Variants in HELZ observed in about 807,000 individuals in gnomAD.
The protein encoded by HELZ is ATP-dependent RNA helicase with zinc finger domain.
Under a neutral mutation model 218.2 loss-of-function variants are expected in HELZ, and 23 were observed. The ratio of observed to expected loss-of-function variants is 0.11; its 90% CI spans 0.08 to 0.15. The LOEUF (loss-of-function observed/expected upper bound fraction) is 0.15, where lower values mean the gene tolerates loss of function less well. Among genes scored for constraint, HELZ ranks in the 10% least tolerant of loss-of-function variants. The pLI, the probability that HELZ is intolerant of heterozygous loss-of-function variation, is 1.00. For synonymous variants in HELZ, 814 were observed against 829.4 expected (o/e 0.98, Z 0.32); for missense variants, 1,813 against 2,353.7 (o/e 0.77, Z 4.75).
At chr17:67,234,191 C>A (rs1410400686) in intron 3 of HELZ, among the ~76,000 whole-genome samples, 2 of 150,142 alleles carry the variant, frequency 1.3e-5, no homozygotes, top group East Asian at 3.9e-4. Context: ...GGCGTGGTAG[C>A]TTGTGCCTCT....
At chr17:67,211,766 CAGG>C (rs1179493778) in intron 5 of HELZ, among the ~76,000 whole-genome samples, 1 of 151,690 alleles carries the variant, frequency 6.6e-6, no homozygotes, top group African/African-American at 2.4e-5. Context: ...GGGGCTGAGA[CAGG>C]AGAATTGCTT....
intron 3 of HELZ, among the ~76,000 whole-genome samples, chr17:67,236,694 T>C (rs1346917094): frequency 6.6e-6 from 1 of 152,244 alleles, no homozygotes; most frequent in African/African-American, 2.4e-5. Context: ...TTAAAATGTA[T>C]ATTTTGAAAT....
intron 26 of HELZ, 66 bp from the exon 27 acceptor site, chr17:67,120,678 G>A (rs1183158402): frequency 2.8e-6 from 3 of 1,064,648 alleles, no homozygotes; most frequent in African/African-American, 3.1e-5. Flanking sequence ...CTAGAGTGCT[G>A]CTGATTAGGG....
At position 67,072,937 on chromosome 17, in the gene HELZ, C is replaced by G. The variant is rs1163402542; in HGVS notation, c.*5315G>C. ...GAAACTTGTTGGAAATGCAAATCAT[C>G]AGGCTCCAGACCAAAATCAGAAATG... On this transcript the variant is annotated 3_prime_UTR_variant, in exon 33 of 33. Coordinates refer to ENST00000358691, the MANE Select transcript of HELZ (RefSeq NM_014877.4). The G allele has an allele frequency of 6.6e-6, 1 of 152,220 alleles. No homozygotes were observed. Among genetic ancestry groups the G allele is most frequent in the Non-Finnish European group, 1.5e-5 (1 of 68,030 alleles). 9.4% of individuals were successfully genotyped at this position (152,220 alleles called of 1,614,324 possible). A position where few individuals can be genotyped will look rare whatever the true frequency, so the allele number is the denominator to read the frequency against.
At chr17:67,190,113 A>G (rs1464297031) in intron 10 of HELZ, 44 bp downstream of exon 10, 3 of 1,513,882 alleles carry the variant, frequency 2.0e-6, no homozygotes, top group Non-Finnish European at 2.7e-6. Flanking sequence ...ACTCAAGTTC[A>G]TTGTTTAAGA....
At position 67,218,698 on chromosome 17, in the gene HELZ, A is replaced by G. The variant is rs377727533; in HGVS notation, c.107T>C (p.Leu36Pro). Residue 36 changes from leucine (L) to proline (P), a missense_variant, in exon 4 of 33, where the codon CTT (leucine) becomes CCT (proline). Leu to Pro is a moderately conservative substitution (Grantham distance 98). Around this residue, in one of 4 missense-constraint regions of HELZ, gnomAD observed 714 missense variants for 1,029.2 expected, o/e 0.69. Coordinates refer to ENST00000358691, the MANE Select transcript of HELZ (RefSeq NM_014877.4). Reference protein sequence around the residue: ...LKHCTEALLSLGQYSMADFTG... With the variant: ...LKHCTEALLSPGQYSMADFTG... ...GAAGTCTGCCATGGAGTACTGGCCAAGAGAAAGAAGGGCCTCTGTGCAGTG... is the reference window on the plus strand; with the variant it reads ...GAAGTCTGCCATGGAGTACTGGCCAGGAGAAAGAAGGGCCTCTGTGCAGTG... The G allele has an allele frequency of 3.1e-6, 5 of 1,614,074 alleles. No individual in the cohort carries two copies. The highest frequency in any genetic ancestry group is 2.7e-5 in the African/African-American group (2 of 74,934).
chr17:67,093,286 A>T (rs1010120090), intron 31 of HELZ, among the ~76,000 whole-genome samples: 1 of 152,238 alleles, frequency 6.6e-6, no homozygotes, highest in Admixed American at 6.5e-5. Context: ...TTGCAGATAA[A>T]ATCAAGGAAA....
At chr17:67,231,306 A>C (rs1336097453) in intron 3 of HELZ, among the ~76,000 whole-genome samples, 2 of 152,200 alleles carry the variant, frequency 1.3e-5, no homozygotes, top group Non-Finnish European at 2.9e-5. Context: ...GAAATGTACC[A>C]ACAATGGCTG....
In HELZ at chr17:67,108,043, T is replaced by C. The variant is rs985734856; in HGVS notation, c.4725-358A>G. On this transcript the variant is annotated intron_variant, in intron 30 of 32. Transcript: ENST00000358691. This position sits in a 1 kb window ranked among gnomAD's most constrained non-coding sequence, Gnocchi z 4.1. ...GTGACACTGGCCACAAAAACAAGCTTAGAGTTAGGACCAAATACTCATATG... is the reference window on the plus strand; with the variant it reads ...GTGACACTGGCCACAAAAACAAGCTCAGAGTTAGGACCAAATACTCATATG... Among the ~76,000 whole-genome samples, 2 of 152,156 alleles carry C rather than the reference T, an allele frequency of 1.3e-5. No individual in the cohort carries two copies. Among genetic ancestry groups the C allele is most frequent in the African/African-American group, 4.8e-5 (2 of 41,442 alleles).
chr17:67,137,927 T>G lies in HELZ; in HGVS notation c.2953+4A>C. On this transcript the variant is annotated splice_donor_region_variant and intron_variant, in intron 22 of 32. Transcript: ENST00000358691. ...TGACTGAATTCATTTCAATTGACAC[T>G]TACCTTGAACATTTAGCACCCTTTC... 6.3e-7 allele frequency: 1 copy of G among 1,595,970 alleles called. No homozygotes were observed. Among genetic ancestry groups the G allele is most frequent in the Non-Finnish European group, 8.6e-7 (1 of 1,168,210 alleles).
At chr17:67,171,758 C>G (rs2039317308) in intron 13 of HELZ, among the ~76,000 whole-genome samples, 1 of 152,084 alleles carries the variant, frequency 6.6e-6, no homozygotes, top group South Asian at 2.1e-4. Flanking sequence ...CTGGCAGCTC[C>G]CCAAAACTCT....
chr17:67,163,842 T>C (rs2039061331), intron 15 of HELZ, among the ~76,000 whole-genome samples: 1 of 152,194 alleles, frequency 6.6e-6, no homozygotes, highest in Non-Finnish European at 1.5e-5. Context: ...CAACTAATAG[T>C]TTCTCAGTAT....
chr17:67,085,804 T>A (rs2036352384), intron 32 of HELZ, among the ~76,000 whole-genome samples: 1 of 152,238 alleles, frequency 6.6e-6, no homozygotes, highest in Non-Finnish European at 1.5e-5. Context: ...ATAATTAGTT[T>A]CTTTACATTC....
intron 14 of HELZ, among the ~76,000 whole-genome samples, chr17:67,166,916 A>T (rs1423096892): frequency 6.6e-6 from 1 of 152,212 alleles, no homozygotes; most frequent in African/African-American, 2.4e-5. Flanking sequence ...ATCTCTAGTT[A>T]AAGGCTACTT....
At chr17:67,184,711 G>A (rs778320188) in intron 12 of HELZ, among the ~76,000 whole-genome samples, 1 of 152,038 alleles carries the variant, frequency 6.6e-6, no homozygotes, top group Non-Finnish European at 1.5e-5. Context: ...AACTGCTTAG[G>A]AGGCTGAGGT....
intron 31 of HELZ, among the ~76,000 whole-genome samples, chr17:67,104,261 C>A (rs2037022063): frequency 6.6e-6 from 1 of 151,780 alleles, no homozygotes; most frequent in Admixed American, 6.6e-5. Flanking sequence ...GGTGAAACCC[C>A]GTATCTACTA....
chr17:67,199,162 C>T (rs907661571), intron 7 of HELZ, among the ~76,000 whole-genome samples: 5 of 150,778 alleles, frequency 3.3e-5, no homozygotes, highest in Non-Finnish European at 7.4e-5. Flanking sequence ...AAAACGGCTA[C>T]ATATACACTA....
At chr17:67,138,418 T>C (rs1291200972) in intron 21 of HELZ, among the ~76,000 whole-genome samples, 4 of 152,088 alleles carry the variant, frequency 2.6e-5, no homozygotes, top group Non-Finnish European at 5.9e-5. Flanking sequence ...CAAGTTCCTG[T>C]GTGGGAAAAA....
chr17:67,208,518 C>T (rs193268320), intron 5 of HELZ, among the ~76,000 whole-genome samples: 2 of 151,860 alleles, frequency 1.3e-5, no homozygotes, highest in African/African-American at 4.8e-5. Context: ...TTCCTGTTAA[C>T]CTATAATTAT....
Sources: gnomAD v4.1 joint callset for allele counts (sites outside exome capture counted in the v4.1 genomes callset) on GRCh38, gnomAD v4.1.1 for gene constraint, gnomAD v4.1.1 regional missense constraint, Gnocchi (gnomAD v3.1) non-coding constraint, MANE v1.5 for transcripts, NCBI Gene and HGNC (gene_info 2026-07-23, HGNC 2026-07-21) for gene names.